Variants in WWOX observed in about 807,000 individuals in gnomAD.
WWOX encodes the protein WW domain-containing oxidoreductase.
WWOX carries 69 observed loss-of-function variants against 46.2 expected under a neutral mutation model. The observed-to-expected ratio is 1.49, with a 90% confidence interval of 1.23 to 1.82. The LOEUF (loss-of-function observed/expected upper bound fraction) is 1.82. Ranked by LOEUF, WWOX falls within the 40% of genes most tolerant of loss-of-function variation. The pLI is 0.00. For missense variants in WWOX, 919 were observed against 542.6 expected (o/e 1.69, Z -6.89); for synonymous variants, 359 against 202.6 (o/e 1.77, Z -6.56).
intron 8 of WWOX, among the ~76,000 whole-genome samples, chr16:79,124,841 T>C (rs898052457): frequency 1.2e-4 from 19 of 152,206 alleles, no homozygotes; most frequent in African/African-American, 4.6e-4. Flanking sequence ...CTAAAGGGGA[T>C]GAGGAATGAA....
chr16:78,227,087 C>A (rs2037085336), intron 5 of WWOX, among the ~76,000 whole-genome samples: 1 of 152,182 alleles, frequency 6.6e-6, no homozygotes, highest in African/African-American at 2.4e-5. Context: ...GCTCTAATCT[C>A]TTCATCTGTG....
chr16:78,973,498 A>C (rs752139481), intron 8 of WWOX, among the ~76,000 whole-genome samples: 36 of 152,300 alleles, frequency 2.4e-4, no homozygotes, highest in Middle Eastern at 3.4e-3. Context: ...CATCTCTAAC[A>C]ACATGTCTGA....
chr16:78,613,529 A>G (rs942271242), intron 8 of WWOX, among the ~76,000 whole-genome samples: 2 of 152,094 alleles, frequency 1.3e-5, no homozygotes, highest in Non-Finnish European at 2.9e-5. Context: ...TCCCTCTACA[A>G]AACCTGCATG....
chr16:79,046,149 A>G (rs912844773), intron 8 of WWOX, among the ~76,000 whole-genome samples: 1 of 152,142 alleles, frequency 6.6e-6, no homozygotes, highest in Non-Finnish European at 1.5e-5. Flanking sequence ...CCCTTGCAGG[A>G]CTGTGCTCAG....
intron 8 of WWOX, among the ~76,000 whole-genome samples, chr16:78,927,967 T>A (rs1004953927): frequency 6.6e-6 from 1 of 151,814 alleles, no homozygotes; most frequent in Non-Finnish European, 1.5e-5. Flanking sequence ...ATAAACAATC[T>A]CAGGGTTTTT....
intron 8 of WWOX, among the ~76,000 whole-genome samples, chr16:78,473,762 C>T (rs1451124978): frequency 6.6e-6 from 1 of 152,040 alleles, no homozygotes; most frequent in African/African-American, 2.4e-5. Flanking sequence ...CAGGTGTTAG[C>T]TGAAGATACG....
intron 8 of WWOX, among the ~76,000 whole-genome samples, chr16:79,025,711 AC>A (rs973633234): frequency 2.6e-5 from 4 of 151,352 alleles, no homozygotes; most frequent in African/African-American, 9.7e-5. Flanking sequence ...AAACTAATAT[AC>A]CCTTTAATGA....
intron 5 of WWOX, among the ~76,000 whole-genome samples, chr16:78,310,449 A>C (rs1191203730): frequency 6.6e-6 from 1 of 152,248 alleles, no homozygotes; most frequent in Non-Finnish European, 1.5e-5. Flanking sequence ...ATTTGTTTTC[A>C]GCTCTGAGAG....
intron 8 of WWOX, among the ~76,000 whole-genome samples, chr16:79,105,431 T>A (rs866995726): frequency 1.3e-5 from 2 of 152,076 alleles, no homozygotes; most frequent in Admixed American, 1.3e-4. Context: ...CCTTCCCTTA[T>A]CCCTGTCCCT....
At chr16:78,206,243 C>T (rs2036391838) in intron 5 of WWOX, among the ~76,000 whole-genome samples, 1 of 151,936 alleles carries the variant, frequency 6.6e-6, no homozygotes, top group South Asian at 2.1e-4. Flanking sequence ...AATATCAATC[C>T]AGAATGAAAA....
chr16:78,500,842 T>G (rs2085044743), intron 8 of WWOX, among the ~76,000 whole-genome samples: 1 of 152,196 alleles, frequency 6.6e-6, no homozygotes, highest in African/African-American at 2.4e-5. Flanking sequence ...CAACAGCGCC[T>G]GTGCTGGGCC....
chr16:78,931,721 G>C (rs1353467914), intron 8 of WWOX, among the ~76,000 whole-genome samples: 1 of 152,196 alleles, frequency 6.6e-6, no homozygotes, highest in African/African-American at 2.4e-5. Flanking sequence ...TGTTCACAGA[G>C]GACAAGACAC....
chr16:78,946,692 A>C (rs1445046908), intron 8 of WWOX, among the ~76,000 whole-genome samples: 1 of 152,014 alleles, frequency 6.6e-6, no homozygotes, highest in Non-Finnish European at 1.5e-5. Flanking sequence ...GGCCTGGAAA[A>C]CTGTGTGGTG....
intron 8 of WWOX, among the ~76,000 whole-genome samples, chr16:79,175,156 C>T (rs1238207998): frequency 6.6e-6 from 1 of 152,186 alleles, no homozygotes; most frequent in Admixed American, 6.5e-5. Context: ...AGTTGAACAA[C>T]TCTGCCTTAA....
At chr16:78,952,988 T>C (rs1450791311) in intron 8 of WWOX, among the ~76,000 whole-genome samples, 3 of 150,238 alleles carry the variant, frequency 2.0e-5, no homozygotes, top group Non-Finnish European at 4.5e-5. Context: ...TCATGAAAAA[T>C]CACGCATTTC....
intron 5 of WWOX, among the ~76,000 whole-genome samples, chr16:78,340,597 G>T (rs1349673254): frequency 1.7e-5 from 2 of 120,894 alleles, no homozygotes; most frequent in Non-Finnish European, 4.0e-5. Context: ...CCAACTCTTA[G>T]CACATGGCCA....
intron 8 of WWOX, among the ~76,000 whole-genome samples, chr16:78,718,802 C>T (rs2048626930): frequency 6.6e-6 from 1 of 151,886 alleles, no homozygotes; most frequent in East Asian, 1.9e-4. Flanking sequence ...CTAATATATG[C>T]CAGGAATTAT....
intron 8 of WWOX, among the ~76,000 whole-genome samples, chr16:78,985,487 G>C (rs553812978): frequency 6.6e-6 from 1 of 151,522 alleles, no homozygotes; most frequent in African/African-American, 2.4e-5. Flanking sequence ...TTCAGAATAG[G>C]GGCCAGGCGC....
intron 8 of WWOX, among the ~76,000 whole-genome samples, chr16:78,593,151 C>A (rs1294314833): frequency 6.6e-6 from 1 of 152,150 alleles, no homozygotes; most frequent in Non-Finnish European, 1.5e-5. Context: ...GCCCTCCCCA[C>A]CCTACCTTGC....
Sources: allele counts gnomAD v4.1 joint callset (sites outside exome capture counted in the v4.1 genomes callset), GRCh38; gene constraint gnomAD v4.1.1; transcripts MANE v1.5; gene names NCBI Gene and HGNC (gene_info 2026-07-23, HGNC 2026-07-21).